Variants in FKTN observed in about 807,000 individuals in gnomAD.
FKTN encodes fukutin.
Under a neutral mutation model 58.6 loss-of-function variants are expected in FKTN, and 47 were observed. The ratio of observed to expected loss-of-function variants is 0.80; its 90% CI spans 0.63 to 1.02. The LOEUF (loss-of-function observed/expected upper bound fraction) is 1.02. Ranked by LOEUF, FKTN falls within the 50% of genes least tolerant of loss-of-function variation. The pLI, the probability that FKTN is intolerant of heterozygous loss-of-function variation, is 0.00. For synonymous variants in FKTN, 178 were observed against 191.9 expected (o/e 0.93, Z 0.60); for missense variants, 516 against 537.3 (o/e 0.96, Z 0.39).
intron 7 of FKTN, among the ~76,000 whole-genome samples, chr9:105,613,734 A>G (rs1460647374): frequency 6.6e-6 from 1 of 152,268 alleles, no homozygotes; most frequent in Non-Finnish European, 1.5e-5. Context: ...TAGTAAAAGT[A>G]TTTACAAGTG....
chr9:105,617,177 C>T (rs1446074262), intron 8 of FKTN, among the ~76,000 whole-genome samples: 5 of 152,064 alleles, frequency 3.3e-5, no homozygotes, highest in South Asian at 4.2e-4. Context: ...TAAGGATAAT[C>T]GCAGTCATTT....
In FKTN at chr9:105,637,353, G is replaced by C. The variant is rs1300401697; in HGVS notation, c.*2089G>C. On this transcript the variant is annotated 3_prime_UTR_variant, in exon 11 of 11. Coordinates refer to ENST00000357998, the MANE Select transcript of FKTN (RefSeq NM_001079802.2). ...AAATCCAAGACATCTTGGCCCAATT[G>C]ACACAGGTTCTATATTCTTCCCTAC... 1 of 985,338 alleles carries C rather than the reference G, an allele frequency of 1.0e-6. No individual in the cohort carries two copies. The highest frequency in any genetic ancestry group is 1.2e-6 in the Non-Finnish European group (1 of 829,940). 61.0% of individuals were successfully genotyped at this position (985,338 alleles called of 1,614,324 possible).
At chr9:105,591,102 G>C (rs1356249791) in intron 3 of FKTN, among the ~76,000 whole-genome samples, 3 of 152,236 alleles carry the variant, frequency 2.0e-5, no homozygotes, top group Admixed American at 2.0e-4. Flanking sequence ...CCTCCCACCA[G>C]GCCCCATTTC....
intron 2 of FKTN, 114 bp from the exon 3 acceptor site, chr9:105,574,831 C>A (rs566310135): frequency 2.4e-5 from 13 of 550,318 alleles, no homozygotes; most frequent in Middle Eastern, 4.9e-4. Flanking sequence ...AGACAATGAC[C>A]AGATCAAAGA....
At chr9:105,592,965 TA>T (rs1845176866) in intron 3 of FKTN, among the ~76,000 whole-genome samples, 1 of 152,246 alleles carries the variant, frequency 6.6e-6, no homozygotes, top group Non-Finnish European at 1.5e-5. Flanking sequence ...GTTCCAAAGT[TA>T]CTTCCACATT....
At chr9:105,562,683 A>G (rs1373185803) in intron 1 of FKTN, among the ~76,000 whole-genome samples, 4 of 152,194 alleles carry the variant, frequency 2.6e-5, no homozygotes, top group African/African-American at 9.7e-5. Flanking sequence ...TAAACTGTAA[A>G]CTAAATTCCT....
chr9:105,565,490 G>A (rs1280526716), intron 1 of FKTN, among the ~76,000 whole-genome samples: 2 of 152,096 alleles, frequency 1.3e-5, no homozygotes, highest in Non-Finnish European at 2.9e-5. Flanking sequence ...AAAGGTAGGG[G>A]TTGCAATCCT....
chr9:105,564,130 A>C (rs1156356522), intron 1 of FKTN, among the ~76,000 whole-genome samples: 1 of 152,246 alleles, frequency 6.6e-6, no homozygotes, highest in Non-Finnish European at 1.5e-5. Context: ...AAGGACATCC[A>C]CATCAAAACC....
chr9:105,581,479 GGGGGTCA>G (rs1223986342), intron 3 of FKTN, among the ~76,000 whole-genome samples: 1 of 150,660 alleles, frequency 6.6e-6, no homozygotes, highest in Non-Finnish European at 1.5e-5. Context: ...TAGGCTGCTC[GGGGGTCA>G]GGGGTCAGGG....
At chr9:105,596,720 G>A (rs560980253) in intron 4 of FKTN, 63 bp downstream of exon 4, 17 of 1,165,694 alleles carry the variant, frequency 1.5e-5, no homozygotes, top group East Asian at 4.7e-5. Flanking sequence ...CATTTACTCC[G>A]TAAGTATTTG....
At chr9:105,613,191 C>T (rs1830234716) in intron 7 of FKTN, among the ~76,000 whole-genome samples, 1 of 152,176 alleles carries the variant, frequency 6.6e-6, no homozygotes, top group African/African-American at 2.4e-5. Flanking sequence ...TTCAAGATGT[C>T]AGTTACATGG....
chr9:105,637,692 G>C lies in FKTN; in HGVS notation c.*2428G>C, dbSNP rs919817100. The stretch of plus-strand genomic sequence containing the variant: ...AGGTTTAGTTTACCTGGCTTACCTG[G>C]GGAAGTTGACAACTTGTTGGTAGTT... On this transcript the variant is annotated 3_prime_UTR_variant, in exon 11 of 11. Coordinates refer to ENST00000357998, the MANE Select transcript of FKTN (RefSeq NM_001079802.2). 1.0e-6 allele frequency: 1 copy of C among 985,200 alleles called. No homozygotes were observed. The highest frequency in any genetic ancestry group is 1.2e-6 in the Non-Finnish European group (1 of 829,914). The allele number at this position is 985,200 out of a possible 1,614,324, so 61.0% of individuals were successfully genotyped here.
chr9:105,596,071 G>A lies in FKTN; in HGVS notation c.106-527G>A, dbSNP rs117812007. ...AATTACGATGTATGTTAGGCAAAGC[G>A]TGCATACTGGTGCTATCTGCAAAAC... On this transcript the variant is annotated intron_variant, in intron 3 of 10. Coordinates refer to ENST00000357998, the MANE Select transcript of FKTN (RefSeq NM_001079802.2). Among the ~76,000 whole-genome samples the A allele has an allele frequency of 4.3e-3, 662 of 152,224 alleles. 3 individuals carry two copies. Among genetic ancestry groups the A allele is most frequent in the Middle Eastern group, 0.01 (3 of 294 alleles).
chr9:105,565,163 A>T (rs1367714142), intron 1 of FKTN, among the ~76,000 whole-genome samples: 1 of 152,214 alleles, frequency 6.6e-6, no homozygotes, highest in African/African-American at 2.4e-5. Context: ...AAACATGGAA[A>T]GGAACAGCCG....
At chr9:105,632,879 C>T (rs1216400326) in intron 10 of FKTN, among the ~76,000 whole-genome samples, 1 of 152,194 alleles carries the variant, frequency 6.6e-6, no homozygotes, top group African/African-American at 2.4e-5. Flanking sequence ...AAAGTACAAA[C>T]TGCTTAGCCG....
chr9:105,596,803 C>A, intron 4 of FKTN, 146 bp downstream of exon 4: 1 of 696,554 alleles, frequency 1.4e-6, no homozygotes, highest in Non-Finnish European at 2.6e-6. Context: ...AAGGGACAGG[C>A]CCTTTACCAA....
intron 3 of FKTN, among the ~76,000 whole-genome samples, chr9:105,582,356 A>T (rs943336372): frequency 2.6e-5 from 4 of 152,106 alleles, no homozygotes; most frequent in South Asian, 2.1e-4. Flanking sequence ...ATCACGCCTG[A>T]CTAATTAAAA....
At position 105,596,761 on chromosome 9, in the gene FKTN, G is replaced by A. The variant is rs1362590261; in HGVS notation, c.165+104G>A. 2.3e-5 allele frequency: 21 copies of A among 906,594 alleles called. No individual in the cohort carries two copies. In the Admixed American group the frequency reaches 3.6e-4, roughly 16 times the overall value. 56.2% of individuals were successfully genotyped at this position (906,594 alleles called of 1,614,324 possible). ...TGATGGCAATAATAATAGCTACCTT[G>A]TGTGGTGGGTGGCCGGTTGGTAGTG... On this transcript the variant is annotated intron_variant, in intron 4 of 10. Transcript: ENST00000357998.
intron 3 of FKTN, among the ~76,000 whole-genome samples, chr9:105,581,209 A>T (rs1229462126): frequency 2.0e-5 from 3 of 149,552 alleles, no homozygotes; most frequent in African/African-American, 5.0e-5. Flanking sequence ...GTTGCTGGTG[A>T]GGAACTGCGT....
Sources: allele counts gnomAD v4.1 joint callset (sites outside exome capture counted in the v4.1 genomes callset), GRCh38; gene constraint gnomAD v4.1.1; transcripts MANE v1.5; gene names NCBI Gene and HGNC (gene_info 2026-07-23, HGNC 2026-07-21).